Variants in DIP2C observed in about 807,000 individuals in gnomAD.
DIP2C encodes disco-interacting protein 2 homolog C.
Under a neutral mutation model 192.4 loss-of-function variants are expected in DIP2C, and 33 were observed. The ratio of observed to expected loss-of-function variants is 0.17; its 90% confidence interval spans 0.13 to 0.23. The LOEUF (loss-of-function observed/expected upper bound fraction) is 0.23. Ranked by LOEUF, DIP2C falls within the 10% of genes least tolerant of loss-of-function variation. The pLI, the probability that DIP2C is intolerant of heterozygous loss-of-function variation, is 1.00. For missense variants in DIP2C, 1,537 were observed against 2,110.1 expected (o/e 0.73, Z 5.32); for synonymous variants, 979 against 864.1 (o/e 1.13, Z -2.33).
chr10:501,190 T>A (rs911767648), intron 1 of DIP2C, among the ~76,000 whole-genome samples: 1 of 152,194 alleles, frequency 6.6e-6, no homozygotes, highest in African/African-American at 2.4e-5. Context: ...TGGTGCAACA[T>A]GTAAATGTGG....
chr10:357,738 AGTCGGGTACTGTCGGGGATG>A lies in DIP2C; in HGVS notation c.2904+70_2904+89del, dbSNP rs1564609521. On this transcript the variant is annotated intron_variant, in intron 23 of 36. Transcript: ENST00000280886. Reference sequence around the variant, plus strand: ...CGGACTGTCAGGGAAGGTAGGGGACAGTCGGGTACTGTCGGGGATGGTCGCAGATGGTCGGGGACAGTCGG... The same window carrying A: ...CGGACTGTCAGGGAAGGTAGGGGACAGTCGCAGATGGTCGGGGACAGTCGG... 4.3e-6 allele frequency: 4 copies of A among 931,920 alleles called. No individual in the cohort carries two copies. The African/African-American group carries it at 6.6e-5, about 15-fold the overall frequency. The allele number at this position is 931,920 out of a possible 1,614,324, so 57.7% of individuals were successfully genotyped here.
At chr10:640,783 G>A (rs2131939526) in intron 1 of DIP2C, among the ~76,000 whole-genome samples, 1 of 137,906 alleles carries the variant, frequency 7.3e-6, no homozygotes, top group Middle Eastern at 4.1e-3. Flanking sequence ...GCGCCGGGAA[G>A]AGGGTGCGCA....
intron 1 of DIP2C, among the ~76,000 whole-genome samples, chr10:488,440 A>G (rs1844176306): frequency 6.6e-6 from 1 of 152,214 alleles, no homozygotes; most frequent in South Asian, 2.1e-4. Context: ...CACAAATGGT[A>G]CTCACGTTCC....
intron 9 of DIP2C, among the ~76,000 whole-genome samples, chr10:404,973 C>T (rs1664904631): frequency 6.6e-6 from 1 of 152,228 alleles, no homozygotes; most frequent in Non-Finnish European, 1.5e-5. Context: ...AAGATTTCCA[C>T]ATTACCACTG....
chr10:559,913 A>AT (rs1564200090), intron 1 of DIP2C, among the ~76,000 whole-genome samples: 5 of 151,986 alleles, frequency 3.3e-5, no homozygotes, highest in Admixed American at 1.3e-4. Context: ...AGACACAGGA[A>AT]TTCAGGGAGG....
At chr10:470,146 G>A (rs551427921) in intron 3 of DIP2C, among the ~76,000 whole-genome samples, 84 of 152,270 alleles carry the variant, frequency 5.5e-4, no homozygotes, top group African/African-American at 1.5e-3. Flanking sequence ...GTTGATAAAT[G>A]GATGGATGAT....
At chr10:564,288 C>CAT (rs2131483539) in intron 1 of DIP2C, among the ~76,000 whole-genome samples, 1 of 152,082 alleles carries the variant, frequency 6.6e-6, no homozygotes, top group South Asian at 2.1e-4. Context: ...TAACCATCCT[C>CAT]ATCTCCTTGA....
intron 3 of DIP2C, among the ~76,000 whole-genome samples, chr10:448,253 C>T (rs890599747): frequency 2.3e-5 from 3 of 131,084 alleles, no homozygotes; most frequent in Admixed American, 2.1e-4. Context: ...AGTGGGGCAG[C>T]AGGACCCACT....
intron 3 of DIP2C, among the ~76,000 whole-genome samples, chr10:448,140 C>CA (rs1350177271): frequency 4.7e-5 from 6 of 126,474 alleles, no homozygotes; most frequent in Non-Finnish European, 9.2e-5. Context: ...CAGGATCACA[C>CA]ACAGTGGGGC....
intron 24 of DIP2C, among the ~76,000 whole-genome samples, chr10:353,987 C>T (rs1958950839): frequency 6.6e-6 from 1 of 152,218 alleles, no homozygotes; most frequent in Admixed American, 6.5e-5. Context: ...GAGGACGATG[C>T]TGCTACCTTG....
rs867328806 is a variant in DIP2C at position 418,220 on chromosome 10, T to C, written c.739+845A>G. 6.8e-4 allele frequency among the ~76,000 whole-genome samples: 58 copies of C among 85,086 alleles called. 3 individuals are homozygous for C. Among genetic ancestry groups the C allele is most frequent in the African/African-American group, 1.6e-3 (28 of 17,630 alleles). 55.8% of individuals were successfully genotyped at this position (85,086 alleles called of 152,430 possible). On this transcript the variant is annotated intron_variant, in intron 6 of 36. Transcript: ENST00000280886. ...GCGGACAGGCCTCCCTGTCCACCTGTTCCTGTCAGGGCTTCGATAGGCCTC... is the reference window on the plus strand; with the variant it reads ...GCGGACAGGCCTCCCTGTCCACCTGCTCCTGTCAGGGCTTCGATAGGCCTC...
intron 31 of DIP2C, among the ~76,000 whole-genome samples, chr10:315,258 A>G (rs1956727818): frequency 6.6e-6 from 1 of 152,188 alleles, no homozygotes; most frequent in South Asian, 2.1e-4. Flanking sequence ...CAAACTAAAA[A>G]TATTTACATG....
chr10:341,369 C>T (rs1206913053), intron 28 of DIP2C, 40 bp from the exon 29 acceptor site: 2 of 1,611,286 alleles, frequency 1.2e-6, no homozygotes, highest in African/African-American at 1.3e-5. Context: ...TCGGACCTGA[C>T]ACCCTCAGAC....
chr10:625,224 C>T (rs1024488070), intron 1 of DIP2C, among the ~76,000 whole-genome samples: 2 of 152,154 alleles, frequency 1.3e-5, no homozygotes, highest in South Asian at 2.1e-4. Context: ...TTATCACGGC[C>T]GCAAGCCTCT....
At chr10:334,404 TTGTC>T (rs762567403) in intron 29 of DIP2C, among the ~76,000 whole-genome samples, 2 of 152,060 alleles carry the variant, frequency 1.3e-5, no homozygotes, top group Admixed American at 6.6e-5. Flanking sequence ...AGACTGTGGC[TTGTC>T]TTTCTACTTA....
intron 1 of DIP2C, among the ~76,000 whole-genome samples, chr10:555,367 G>A (rs1008856175): frequency 3.3e-5 from 5 of 152,008 alleles, no homozygotes; most frequent in African/African-American, 1.2e-4. Context: ...ATCGTGCGTC[G>A]GAAAACCTAA....
chr10:399,905 G>A (rs1964283260), intron 9 of DIP2C, among the ~76,000 whole-genome samples: 1 of 152,200 alleles, frequency 6.6e-6, no homozygotes, highest in African/African-American at 2.4e-5. Context: ...TCTTCCCTGT[G>A]TAGCTGCCTG....
chr10:342,100 T>C (rs1958177416), intron 28 of DIP2C, among the ~76,000 whole-genome samples: 1 of 152,086 alleles, frequency 6.6e-6, no homozygotes, highest in Non-Finnish European at 1.5e-5. Flanking sequence ...CTCTAGCTAT[T>C]GAAATAGTGC....
intron 29 of DIP2C, among the ~76,000 whole-genome samples, chr10:340,480 A>G (rs575536671): frequency 3.3e-4 from 50 of 152,348 alleles, no homozygotes; most frequent in South Asian, 6.2e-4. Flanking sequence ...AAAACGCTCC[A>G]TTAGAAAATG....
Sources: gnomAD v4.1 joint callset for allele counts (sites outside exome capture counted in the v4.1 genomes callset) on GRCh38, gnomAD v4.1.1 for gene constraint, MANE v1.5 for transcripts, NCBI Gene and HGNC (gene_info 2026-07-23, HGNC 2026-07-21) for gene names.